Variants in ARL15 observed in about 807,000 individuals in gnomAD.
ARL15 encodes the protein ARF like GTPase 15.
Under a neutral mutation model 25.2 loss-of-function variants are expected in ARL15, and 19 were observed. The observed-to-expected ratio is 0.75, with a 90% confidence interval of 0.53 to 1.10. ARL15 has a LOEUF of 1.10. Among genes scored for constraint, ARL15 ranks in the 50% least tolerant of loss-of-function variants. The pLI, the probability that ARL15 is intolerant of heterozygous loss-of-function variation, is 0.00. For synonymous variants in ARL15, 94 were observed against 86.8 expected, an observed-to-expected ratio of 1.08 and a Z score of -0.46; for missense variants, 220 against 246.0, an observed-to-expected ratio of 0.89 and a Z score of 0.71.
chr5:53,947,638 T>A (rs540033080), intron 4 of ARL15, among the ~76,000 whole-genome samples: 1 of 152,196 alleles, frequency 6.6e-6, no homozygotes, highest in South Asian at 2.1e-4. Context: ...CTCTACCTCA[T>A]CTCCAGCATG....
chr5:54,268,249 T>C (rs1174800193), intron 1 of ARL15, among the ~76,000 whole-genome samples: 1 of 152,188 alleles, frequency 6.6e-6, no homozygotes, highest in Non-Finnish European at 1.5e-5. Flanking sequence ...TTTCTTCCAG[T>C]TGATCGCATC....
intron 4 of ARL15, among the ~76,000 whole-genome samples, chr5:54,071,996 G>GA (rs796138460): frequency 8.1e-6 from 1 of 123,062 alleles, no homozygotes; most frequent in African/African-American, 3.0e-5. Flanking sequence ...AAAAAAAAAA[G>GA]AAAAAAAAAG....
chr5:54,102,292 G>A (rs1222434723), intron 4 of ARL15, among the ~76,000 whole-genome samples: 6 of 152,116 alleles, frequency 3.9e-5, no homozygotes. Context: ...CATTACAGGT[G>A]TGAGTCACCA....
chr5:54,150,661 G>A (rs192854717), intron 3 of ARL15, among the ~76,000 whole-genome samples: 60 of 152,060 alleles, frequency 3.9e-4, no homozygotes, highest in Admixed American at 5.9e-4. Flanking sequence ...AGCGACGTGC[G>A]GTGGCTCATG....
At chr5:53,974,941 G>A (rs932543221) in intron 4 of ARL15, among the ~76,000 whole-genome samples, 1 of 152,080 alleles carries the variant, frequency 6.6e-6, no homozygotes, top group African/African-American at 2.4e-5. Flanking sequence ...AAGAAGGTGA[G>A]CGGCAACAGT....
intron 3 of ARL15, among the ~76,000 whole-genome samples, chr5:54,150,116 T>C (rs891834636): frequency 6.6e-6 from 1 of 152,232 alleles, no homozygotes; most frequent in African/African-American, 2.4e-5. Flanking sequence ...ACTTGGTTTA[T>C]GCAGGAACAG....
intron 1 of ARL15, among the ~76,000 whole-genome samples, chr5:54,236,631 T>G (rs2112566353): frequency 6.6e-6 from 1 of 152,332 alleles, no homozygotes; most frequent in Non-Finnish European, 1.5e-5. Context: ...AAATTTCTAT[T>G]GGCAACACTT....
chr5:53,998,283 G>T, intron 4 of ARL15, among the ~76,000 whole-genome samples: 2 of 116,570 alleles, frequency 1.7e-5, no homozygotes, highest in South Asian at 2.9e-4. Flanking sequence ...GGGACATCAG[G>T]AAAAAAAAAA....
intron 1 of ARL15, among the ~76,000 whole-genome samples, chr5:54,221,995 G>C (rs1042724353): frequency 4.6e-5 from 7 of 152,248 alleles, no homozygotes; most frequent in Non-Finnish European, 8.8e-5. Context: ...TACTCTTCCT[G>C]TGCCAAATAA....
At chr5:53,914,044 C>T (rs1219606540) in intron 4 of ARL15, among the ~76,000 whole-genome samples, 1 of 151,946 alleles carries the variant, frequency 6.6e-6, no homozygotes, top group African/African-American at 2.4e-5. Context: ...TCTCCTTTTC[C>T]CTTCTGTGAG....
At chr5:53,972,411 T>C (rs1747782995) in intron 4 of ARL15, among the ~76,000 whole-genome samples, 1 of 152,218 alleles carries the variant, frequency 6.6e-6, no homozygotes, top group African/African-American at 2.4e-5. Context: ...TGCTGGACTT[T>C]GACTCAGAAA....
At chr5:54,025,682 TTTC>T (rs1387449896) in intron 4 of ARL15, among the ~76,000 whole-genome samples, 2 of 147,348 alleles carry the variant, frequency 1.4e-5, no homozygotes, top group South Asian at 2.2e-4. Flanking sequence ...TGTTTGTTTG[TTTC>T]GGTAATTACA....
intron 4 of ARL15, among the ~76,000 whole-genome samples, chr5:53,904,280 A>C (rs1213575391): frequency 6.6e-6 from 1 of 152,244 alleles, no homozygotes; most frequent in African/African-American, 2.4e-5. Flanking sequence ...GTAATTACCC[A>C]GTGGATGCTG....
intron 1 of ARL15, among the ~76,000 whole-genome samples, chr5:54,306,295 G>A (rs962097884): frequency 6.6e-6 from 1 of 151,862 alleles, no homozygotes; most frequent in Non-Finnish European, 1.5e-5. Context: ...CATAAATTGA[G>A]ACTAGTTTAA....
chr5:54,196,067 G>GA (rs1202976205), intron 1 of ARL15, among the ~76,000 whole-genome samples: 6 of 152,210 alleles, frequency 3.9e-5, no homozygotes, highest in Middle Eastern at 3.4e-3. Flanking sequence ...TGTCAGCATA[G>GA]AATTCTATTG....
intron 1 of ARL15, among the ~76,000 whole-genome samples, chr5:54,203,406 C>A (rs1000634406): frequency 6.6e-6 from 1 of 152,140 alleles, no homozygotes; most frequent in African/African-American, 2.4e-5. Flanking sequence ...TACTTCGCAG[C>A]ATCACAACTC....
intron 4 of ARL15, among the ~76,000 whole-genome samples, chr5:54,062,895 A>C (rs575835685): frequency 7.9e-5 from 12 of 152,308 alleles, no homozygotes; most frequent in Middle Eastern, 3.4e-3. Flanking sequence ...GGAGGATGTG[A>C]ATTTTAGCAG....
chr5:54,290,597 T>G (rs1758298953), intron 1 of ARL15, among the ~76,000 whole-genome samples: 1 of 152,144 alleles, frequency 6.6e-6, no homozygotes, highest in Admixed American at 6.5e-5. Context: ...TGAGCCACCG[T>G]GTCCAGCATC....
At chr5:54,303,678 G>A in intron 1 of ARL15, among the ~76,000 whole-genome samples, 1 of 130,718 alleles carries the variant, frequency 7.7e-6, no homozygotes, top group Non-Finnish European at 1.6e-5. Flanking sequence ...AAAAGAAGAA[G>A]AAGAGGAGAG....
Sources: gnomAD v4.1 joint callset for allele counts (sites outside exome capture counted in the v4.1 genomes callset) on GRCh38, gnomAD v4.1.1 for gene constraint, MANE v1.5 for transcripts, NCBI Gene and HGNC (gene_info 2026-07-23, HGNC 2026-07-21) for gene names.